Variants in ATP8A2 observed in about 807,000 individuals in gnomAD.
The protein encoded by ATP8A2 is phospholipid-transporting ATPase IB.
A neutral mutation model predicts 165.6 loss-of-function variants in ATP8A2; 100 were observed. That is an observed-to-expected ratio of 0.60 (90% confidence interval 0.51 to 0.71). The LOEUF (loss-of-function observed/expected upper bound fraction) is 0.71, where lower values mean the gene tolerates loss of function less well. Among genes scored for constraint, ATP8A2 ranks in the 30% least tolerant of loss-of-function variants. The pLI, the probability that ATP8A2 is intolerant of heterozygous loss-of-function variation, is 0.00. For synonymous variants in ATP8A2, 543 were observed against 548.8 expected (o/e 0.99, Z 0.15); for missense variants, 1,227 against 1,479.5 (o/e 0.83, Z 2.80).
At chr13:25,814,824 TG>T (rs1950967873) in intron 27 of ATP8A2, among the ~76,000 whole-genome samples, 1 of 152,104 alleles carries the variant, frequency 6.6e-6, no homozygotes, top group African/African-American at 2.4e-5. Context: ...GCGACCAGTC[TG>T]GGCAACGTGG....
intron 10 of ATP8A2, among the ~76,000 whole-genome samples, chr13:25,550,854 C>T (rs535693824): frequency 3.9e-5 from 6 of 152,094 alleles, no homozygotes; most frequent in Admixed American, 6.6e-5. Context: ...CTTTTTTATT[C>T]CTCAAATTCT....
intron 2 of ATP8A2, 141 bp downstream of exon 2, chr13:25,469,262 C>T (rs1422587115): frequency 9.5e-6 from 10 of 1,055,614 alleles, no homozygotes; most frequent in Non-Finnish European, 1.3e-5. Context: ...CCCTCCCCAC[C>T]CCACTAGCCC....
chr13:25,439,896 A>T (rs367865982), intron 1 of ATP8A2, among the ~76,000 whole-genome samples: 87 of 143,270 alleles, frequency 6.1e-4, no homozygotes, highest in African/African-American at 2.2e-3. Context: ...AGTAGAGCAA[A>T]ACCCTGTCTA....
At chr13:25,650,645 T>A (rs1012850344) in intron 24 of ATP8A2, among the ~76,000 whole-genome samples, 4 of 152,206 alleles carry the variant, frequency 2.6e-5, no homozygotes, top group Admixed American at 6.5e-5. Flanking sequence ...GTTTTACATT[T>A]AAGGATGATG....
chr13:25,458,461 C>T (rs960146444), intron 1 of ATP8A2, among the ~76,000 whole-genome samples: 10 of 152,298 alleles, frequency 6.6e-5, no homozygotes, highest in Admixed American at 4.6e-4. Flanking sequence ...GCAATCCTCC[C>T]GCCTCAGCGT....
intron 2 of ATP8A2, among the ~76,000 whole-genome samples, chr13:25,481,968 A>G (rs762116108): frequency 6.6e-6 from 1 of 152,100 alleles, no homozygotes; most frequent in Non-Finnish European, 1.5e-5. Context: ...GGGCTTCAAC[A>G]TATGAATTTT....
At chr13:25,824,308 T>C (rs559606783) in intron 27 of ATP8A2, among the ~76,000 whole-genome samples, 1 of 152,308 alleles carries the variant, frequency 6.6e-6, no homozygotes, top group African/African-American at 2.4e-5. Flanking sequence ...CTCTTTAGGG[T>C]AGCTTCAGTT....
intron 25 of ATP8A2, among the ~76,000 whole-genome samples, chr13:25,749,839 C>T (rs1223056162): frequency 6.6e-6 from 1 of 152,092 alleles, no homozygotes; most frequent in Non-Finnish European, 1.5e-5. Flanking sequence ...TCTTTAGTTT[C>T]TAATTGTTGA....
intron 24 of ATP8A2, among the ~76,000 whole-genome samples, chr13:25,661,684 T>C (rs17623715): frequency 0.034 from 5,244 of 152,332 alleles, 156 homozygotes; most frequent in East Asian, 0.13. Flanking sequence ...ATGAGATCTA[T>C]TATCTGAATC....
At chr13:25,730,017 G>A (rs1333418842) in intron 25 of ATP8A2, among the ~76,000 whole-genome samples, 2 of 152,118 alleles carry the variant, frequency 1.3e-5, no homozygotes, top group East Asian at 1.9e-4. Flanking sequence ...GCAGCCTGGC[G>A]CAGTTGTGCA....
chr13:25,967,239 T>G (rs1287501714), intron 34 of ATP8A2, among the ~76,000 whole-genome samples: 3 of 152,208 alleles, frequency 2.0e-5, no homozygotes, highest in Non-Finnish European at 4.4e-5. Context: ...ACTGCAGTAT[T>G]TTATCAATCC....
intron 2 of ATP8A2, among the ~76,000 whole-genome samples, chr13:25,516,255 G>A (rs1302772560): frequency 6.6e-6 from 1 of 152,110 alleles, no homozygotes; most frequent in Non-Finnish European, 1.5e-5. Context: ...TTCTGACAAG[G>A]TATGTCCTCC....
At chr13:25,641,402 C>T (rs141057577) in intron 24 of ATP8A2, among the ~76,000 whole-genome samples, 5,264 of 152,268 alleles carry the variant, frequency 0.035, 157 homozygotes, top group East Asian at 0.13. Context: ...GCAACTTCAG[C>T]AAAGTCTCAG....
chr13:25,580,908 C>A (rs2138238463), intron 22 of ATP8A2, among the ~76,000 whole-genome samples: 1 of 152,234 alleles, frequency 6.6e-6, no homozygotes, highest in African/African-American at 2.4e-5. Flanking sequence ...TAAAAAAATT[C>A]TCCTCTGCTT....
rs533768434 is a variant in ATP8A2 at position 25,795,059 on chromosome 13, T to C, written c.2679+20100T>C. The stretch of plus-strand genomic sequence containing the variant: ...AGGACTGTGATCAAGATATTAATTC[T>C]ATGCATTATAAACCAGGGAACAGTT... On this transcript the variant is annotated intron_variant, in intron 27 of 36. Transcript: ENST00000381655. Among the ~76,000 whole-genome samples the C allele has an allele frequency of 1.2e-4, 19 of 152,312 alleles. No individual in the cohort carries two copies. The East Asian group carries it at 3.7e-3, about 29-fold the overall frequency.
At chr13:25,620,402 C>T (rs550598455) in intron 24 of ATP8A2, among the ~76,000 whole-genome samples, 1 of 152,240 alleles carries the variant, frequency 6.6e-6, no homozygotes, top group East Asian at 1.9e-4. Context: ...TCAAAACACT[C>T]ACAAAAGTTA....
intron 28 of ATP8A2, among the ~76,000 whole-genome samples, chr13:25,829,805 G>A (rs1476276535): frequency 4.8e-5 from 7 of 147,190 alleles, no homozygotes; most frequent in Admixed American, 4.1e-4. Flanking sequence ...GCTCCATGCA[G>A]TCTTGGCCAA....
At chr13:25,997,041 A>G (rs1956525881) in intron 35 of ATP8A2, among the ~76,000 whole-genome samples, 1 of 151,584 alleles carries the variant, frequency 6.6e-6, no homozygotes, top group South Asian at 2.1e-4. Flanking sequence ...CTGTTCTTGA[A>G]CTCCTGACCT....
chr13:25,493,355 T>C (rs1170571624), intron 2 of ATP8A2, among the ~76,000 whole-genome samples: 1 of 152,176 alleles, frequency 6.6e-6, no homozygotes, highest in Non-Finnish European at 1.5e-5. Flanking sequence ...TGTTTTTAAT[T>C]TTTTGAAGTT....
Sources: gnomAD v4.1 joint callset for allele counts (sites outside exome capture counted in the v4.1 genomes callset) on GRCh38, gnomAD v4.1.1 for gene constraint, MANE v1.5 for transcripts, NCBI Gene and HGNC (gene_info 2026-07-23, HGNC 2026-07-21) for gene names.